FBXO25: variants seen among roughly 807,000 people sequenced by gnomAD.
FBXO25 encodes the protein F-box only protein 25.
In FBXO25, 45 loss-of-function variants were observed where a neutral mutation model predicts 51.9. The ratio of observed to expected loss-of-function variants is 0.87; its 90% CI spans 0.68 to 1.11. The LOEUF is 1.11. Among genes scored for constraint, FBXO25 ranks in the 50% most tolerant of loss-of-function variants. The probability of loss-of-function intolerance (pLI) is 0.00; values close to 1 mark genes in which losing one functional copy is unlikely to be tolerated. For synonymous variants in FBXO25, 199 were observed against 151.0 expected (o/e 1.32, Z -2.33); for missense variants, 507 against 428.5 (o/e 1.18, Z -1.62).
intron 5 of FBXO25, among the ~76,000 whole-genome samples, chr8:436,508 T>A (rs192855184): frequency 5.9e-5 from 9 of 152,338 alleles, no homozygotes; most frequent in African/African-American, 2.2e-4. Context: ...CTGAGCAGAA[T>A]TTCCAGGGCT....
At chr8:449,110 A>C (rs1414011519) in intron 5 of FBXO25, among the ~76,000 whole-genome samples, 2 of 152,258 alleles carry the variant, frequency 1.3e-5, no homozygotes, top group Non-Finnish European at 2.9e-5. Flanking sequence ...ATTGAATCAA[A>C]AAGTGAAACC....
At chr8:439,240 C>G (rs1054947547) in intron 5 of FBXO25, among the ~76,000 whole-genome samples, 4 of 152,228 alleles carry the variant, frequency 2.6e-5, no homozygotes, top group Non-Finnish European at 4.4e-5. Context: ...CAGCCTGCCC[C>G]CTCGCCCCTC....
intron 2 of FBXO25, among the ~76,000 whole-genome samples, chr8:424,839 A>C (rs1797376892): frequency 6.6e-6 from 1 of 152,088 alleles, no homozygotes; most frequent in Non-Finnish European, 1.5e-5. Context: ...TGCTTTGGCT[A>C]TTTGGGCTCT....
intron 6 of FBXO25, 27 bp from the exon 7 acceptor site, chr8:451,242 C>A (rs773415241): frequency 1.3e-6 from 2 of 1,571,436 alleles, no homozygotes; most frequent in Admixed American, 4.0e-5. Flanking sequence ...CTGTATCAAT[C>A]CATAGTTTTA....
intron 8 of FBXO25, among the ~76,000 whole-genome samples, chr8:462,800 A>G (rs1799897826): frequency 6.6e-6 from 1 of 152,198 alleles, no homozygotes; most frequent in Non-Finnish European, 1.5e-5. Flanking sequence ...GGGTCACTGC[A>G]TACTTCTCCA....
In FBXO25 at chr8:444,214, G is replaced by C. The variant is rs1443629999; in HGVS notation, c.382-5776G>C. On this transcript the variant is annotated intron_variant, in intron 5 of 9. Coordinates refer to ENST00000350302, the MANE Select transcript of FBXO25 (RefSeq NM_183420.2). Reference sequence around the variant, plus strand: ...GCGAAGATTGAGCAAAGTTGATTTGGTCTGCCCAGTGAAGAATACTTTCTG... The same window carrying C: ...GCGAAGATTGAGCAAAGTTGATTTGCTCTGCCCAGTGAAGAATACTTTCTG... 3.3e-5 allele frequency among the ~76,000 whole-genome samples: 5 copies of C among 152,298 alleles called. No individual in the cohort carries two copies. In the East Asian group the frequency reaches 7.7e-4, roughly 24 times the overall value.
intron 2 of FBXO25, among the ~76,000 whole-genome samples, chr8:415,752 G>A (rs1460982688): frequency 6.6e-6 from 1 of 152,190 alleles, no homozygotes; most frequent in Non-Finnish European, 1.5e-5. Context: ...CTTCTCTCCA[G>A]CGTAGTGTTT....
Position 468,993 on chromosome 8 carries a change from G to C in FBXO25, c.*189G>C, listed in dbSNP as rs8049. On this transcript the variant is annotated 3_prime_UTR_variant, in exon 10 of 10. Transcript: ENST00000350302. Reference sequence around the variant, plus strand: ...TTCATCACTGAAAGTCAGAGGCCAAGGAAATCATTTCTACTTCTTTAAAAA... The same window carrying C: ...TTCATCACTGAAAGTCAGAGGCCAACGAAATCATTTCTACTTCTTTAAAAA... 92,992 of 550,076 alleles carry C rather than the reference G, an allele frequency of 0.17. 8,935 individuals are homozygous for C. Among genetic ancestry groups the C allele is most frequent in the African/African-American group, 0.31 (16,093 of 51,714 alleles). The allele number at this position is 550,076 out of a possible 1,614,324, so 34.1% of individuals were successfully genotyped here.
intron 2 of FBXO25, among the ~76,000 whole-genome samples, chr8:422,350 T>G (rs1216933173): frequency 6.6e-6 from 1 of 152,190 alleles, no homozygotes; most frequent in Non-Finnish European, 1.5e-5. Flanking sequence ...CAAACCTAAT[T>G]TGACGGACAT....
At chr8:426,942 CT>C (rs141283413) in intron 2 of FBXO25, among the ~76,000 whole-genome samples, 1 of 135,810 alleles carries the variant, frequency 7.4e-6, no homozygotes, top group Non-Finnish European at 1.6e-5. Flanking sequence ...GGTTTCACAT[CT>C]TTTTTTTAAC....
chr8:421,894 C>A (rs911483130), intron 2 of FBXO25, among the ~76,000 whole-genome samples: 21 of 152,080 alleles, frequency 1.4e-4, no homozygotes, highest in African/African-American at 4.8e-4. Context: ...ACAGGATAGA[C>A]AACAGTAGTA....
At chr8:437,169 C>G (rs986129467) in intron 5 of FBXO25, among the ~76,000 whole-genome samples, 4 of 152,184 alleles carry the variant, frequency 2.6e-5, no homozygotes, top group Admixed American at 6.5e-5. Context: ...ATCCTAAACA[C>G]TAATACCTGT....
rs539260324 is a variant in FBXO25 at position 472,660 on chromosome 8, C to T, written c.*3856C>T. The T allele has an allele frequency of 2.0e-5, 3 of 152,332 alleles. No homozygotes were observed. The South Asian group carries it at 6.2e-4, about 32-fold the overall frequency. The allele number at this position is 152,332 out of a possible 1,614,324, so 9.4% of individuals were successfully genotyped here. A position where few individuals can be genotyped will look rare whatever the true frequency, so the allele number is the denominator to read the frequency against. ...CTTCTTTAAATGTTTGAGAGAACTCCATATAAGATTTGAAGTCACTGAGAA... is the reference window on the plus strand; with the variant it reads ...CTTCTTTAAATGTTTGAGAGAACTCTATATAAGATTTGAAGTCACTGAGAA... On this transcript the variant is annotated 3_prime_UTR_variant, in exon 10 of 10. Transcript: ENST00000350302.
chr8:448,502 C>A (rs1798873920), intron 5 of FBXO25, among the ~76,000 whole-genome samples: 1 of 152,184 alleles, frequency 6.6e-6, no homozygotes, highest in African/African-American at 2.4e-5. Context: ...TCCAGTCAAA[C>A]CATCTTTTGT....
chr8:411,618 T>A (rs922546804), intron 1 of FBXO25, among the ~76,000 whole-genome samples: 5 of 152,174 alleles, frequency 3.3e-5, no homozygotes, highest in Non-Finnish European at 7.3e-5. Context: ...CTGGCATTGT[T>A]CAAGGTAATG....
At chr8:451,518 A>T (rs1012986300) in intron 7 of FBXO25, 65 bp downstream of exon 7, 1 of 1,444,336 alleles carries the variant, frequency 6.9e-7, no homozygotes, top group African/African-American at 1.4e-5. Context: ...TATCTTTTCT[A>T]AGCATACATG....
At chr8:444,922 G>A (rs574525490) in intron 5 of FBXO25, among the ~76,000 whole-genome samples, 41 of 152,210 alleles carry the variant, frequency 2.7e-4, no homozygotes, top group Admixed American at 7.2e-4. Context: ...TGCGTTTCTC[G>A]GATCAGATTG....
chr8:433,376 C>T (rs1156630054), intron 4 of FBXO25, among the ~76,000 whole-genome samples: 1 of 152,096 alleles, frequency 6.6e-6, no homozygotes, highest in African/African-American at 2.4e-5. Context: ...TGCAGTCATA[C>T]GCATTTTCTC....
chr8:458,667 AG>A (rs1799610689), intron 8 of FBXO25, 116 bp downstream of exon 8: 16 of 959,186 alleles, frequency 1.7e-5, no homozygotes, highest in Non-Finnish European at 2.3e-5. Context: ...CTACTTTTAA[AG>A]AACCAGGAAC....
Sources: gnomAD v4.1 joint callset for allele counts (sites outside exome capture counted in the v4.1 genomes callset) on GRCh38, gnomAD v4.1.1 for gene constraint, MANE v1.5 for transcripts, NCBI Gene and HGNC (gene_info 2026-07-23, HGNC 2026-07-21) for gene names.